Variants in RASGEF1B observed in about 807,000 individuals in gnomAD.
The protein encoded by RASGEF1B is RasGEF domain family member 1B.
Under a neutral mutation model 65.7 loss-of-function variants are expected in RASGEF1B, and 30 were observed. That is an observed-to-expected ratio of 0.46 (90% CI 0.34 to 0.62). The LOEUF is 0.62. Ranked by LOEUF, RASGEF1B falls within the 20% of genes least tolerant of loss-of-function variation. The pLI, the probability that RASGEF1B is intolerant of heterozygous loss-of-function variation, is 0.01. For synonymous variants in RASGEF1B, 175 were observed against 194.8 expected, an observed-to-expected ratio of 0.90 and a Z score of 0.85; for missense variants, 495 against 580.1, an observed-to-expected ratio of 0.85 and a Z score of 1.51.
chr4:81,445,418 A>T (rs1721981025), intron 8 of RASGEF1B, 108 bp downstream of exon 8: 1 of 784,252 alleles, frequency 1.3e-6, no homozygotes, highest in African/African-American at 1.7e-5. Context: ...ACTCTGGATT[A>T]AAAAATACAG....
At chr4:81,454,121 T>G (rs950136812) in intron 4 of RASGEF1B, 1 of 152,030 alleles carries the variant, frequency 6.6e-6, no homozygotes, top group Non-Finnish European at 1.5e-5. Context: ...AACCCAGGAG[T>G]GTTGAAAAGA....
Position 81,471,855 on chromosome 4 carries a change from C to A in RASGEF1B, c.-92G>T, listed in dbSNP as rs1472405849. On this transcript the variant is annotated 5_prime_UTR_variant, in exon 1 of 14. Coordinates refer to ENST00000264400, the MANE Select transcript of RASGEF1B (RefSeq NM_152545.3). ...CCAAAGGACAGGGAGCTAAAGCGCG[C>A]GGGAAGAAGAAAAACAAAATCTGTC... The A allele has an allele frequency of 6.5e-6, 1 of 152,686 alleles. No homozygotes were observed. Among genetic ancestry groups the A allele is most frequent in the East Asian group, 1.9e-4 (1 of 5,194 alleles). The allele number at this position is 152,686 out of a possible 1,614,324, so 9.5% of individuals were successfully genotyped here.
intron 10 of RASGEF1B, among the ~76,000 whole-genome samples, chr4:81,437,536 T>G (rs924538140): frequency 6.6e-6 from 1 of 152,228 alleles, no homozygotes; most frequent in Non-Finnish European, 1.5e-5. Flanking sequence ...GCTGTGAGAT[T>G]CATGCAGTGC....
At chr4:81,466,821 A>AGAAAGAAAGAAAGAAAGAAG (rs1722851697) in intron 1 of RASGEF1B, among the ~76,000 whole-genome samples, 1 of 150,640 alleles carries the variant, frequency 6.6e-6, no homozygotes, top group Non-Finnish European at 1.5e-5. Context: ...AAAGAAAGAA[A>AGAAAGAAAGAAAGAAAGAAG]GAAAATTTCC....
chr4:81,454,003 C>G (rs1005579238), intron 4 of RASGEF1B: 1 of 152,186 alleles, frequency 6.6e-6, no homozygotes, highest in Admixed American at 6.5e-5. Context: ...TCCACTCAAC[C>G]CTTAGTTTAA....
At chr4:81,453,859 T>C (rs1722352364) in intron 4 of RASGEF1B, 1 of 152,218 alleles carries the variant, frequency 6.6e-6, no homozygotes. Flanking sequence ...AGCAAGGATT[T>C]AGAGGACTAG....
At chr4:81,463,167 A>G (rs980248596) in intron 1 of RASGEF1B, among the ~76,000 whole-genome samples, 1 of 152,236 alleles carries the variant, frequency 6.6e-6, no homozygotes, top group African/African-American at 2.4e-5. Flanking sequence ...CATGTTCTAC[A>G]TAAATCCTTG....
intron 1 of RASGEF1B, chr4:81,471,057 G>C (rs530498831): frequency 6.6e-6 from 1 of 152,080 alleles, no homozygotes; most frequent in East Asian, 1.9e-4. Flanking sequence ...CAGGTGACCC[G>C]AGGCGACTCA....
chr4:81,444,228 T>C (rs1029707186), intron 8 of RASGEF1B, among the ~76,000 whole-genome samples: 14 of 152,210 alleles, frequency 9.2e-5, no homozygotes, highest in African/African-American at 2.9e-4. Flanking sequence ...TCCGATGCTA[T>C]GGCTTGCCTT....
chr4:81,446,658 G>C (rs931312697), intron 6 of RASGEF1B, among the ~76,000 whole-genome samples: 1 of 152,164 alleles, frequency 6.6e-6, no homozygotes, highest in East Asian at 1.9e-4. Flanking sequence ...ACACCATCAT[G>C]GTCTTTAGTA....
intron 1 of RASGEF1B, among the ~76,000 whole-genome samples, chr4:81,464,182 T>C (rs1269546709): frequency 2.0e-5 from 3 of 152,174 alleles, no homozygotes; most frequent in African/African-American, 7.2e-5. Flanking sequence ...CAACACAGCC[T>C]CAGAACCAGC....
Position 81,456,719 on chromosome 4 carries a change from C to T in RASGEF1B, c.370G>A (p.Asp124Asn). 6.2e-7 allele frequency: 1 copy of T among 1,614,092 alleles called. No individual in the cohort carries two copies. The highest frequency in any genetic ancestry group is 2.2e-5 in the East Asian group (1 of 44,876). The change falls in exon 4 of 14, where the codon GAT (aspartate) becomes AAT (asparagine). Residue 124 changes from aspartate (D) to asparagine (N), a missense_variant. By Grantham distance (23) the Asp-to-Asn change is conservative. Transcript: ENST00000264400. ...CTCATCATTCTTTCATCCCGAAAATCATAGGGAAATGTTTCCGTCCATTCC... is the reference window on the plus strand; with the variant it reads ...CTCATCATTCTTTCATCCCGAAAATTATAGGGAAATGTTTCCGTCCATTCC... ...LTEWTETFPYDFRDERMMRNL... is the reference protein window; with the variant it reads ...LTEWTETFPYNFRDERMMRNL...
chr4:81,440,981 G>A (rs897986740), intron 9 of RASGEF1B, 52 bp from the exon 10 acceptor site: 1 of 1,226,606 alleles, frequency 8.2e-7, no homozygotes, highest in Non-Finnish European at 1.2e-6. Context: ...GTAAACTTCT[G>A]TAGGAAGTTT....
intron 1 of RASGEF1B, 107 bp downstream of exon 1, chr4:81,471,663 G>T (rs1404190748): frequency 2.0e-5 from 3 of 152,586 alleles, no homozygotes; most frequent in African/African-American, 4.8e-5. Flanking sequence ...CTCCCCGCGC[G>T]GCCCAGGGAT....
intron 1 of RASGEF1B, 63 bp downstream of exon 1, chr4:81,471,707 G>A (rs1225889357): frequency 6.6e-6 from 1 of 152,582 alleles, no homozygotes; most frequent in Non-Finnish European, 1.5e-5. Context: ...GTAGGGTCCG[G>A]AGTTCCCGCT....
At chr4:81,453,234 G>T (rs995053835) in intron 4 of RASGEF1B, 1 of 152,078 alleles carries the variant, frequency 6.6e-6, no homozygotes, top group East Asian at 1.9e-4. Context: ...GGGTCTAGAG[G>T]GGAAAACAAG....
chr4:81,427,757 G>A lies in RASGEF1B; in HGVS notation c.*11C>T, dbSNP rs1231722071. The A allele has an allele frequency of 6.2e-7, 1 of 1,613,844 alleles. No individual in the cohort carries two copies. Among genetic ancestry groups the A allele is most frequent in the Admixed American group, 1.7e-5 (1 of 60,026 alleles). ...AAGCAGCAGCAGCAGCAGGCAGGCA[G>A]CTCCCATGTGTTAAACTCTGCCTAA... On this transcript the variant is annotated 3_prime_UTR_variant, in exon 14 of 14. Coordinates refer to ENST00000264400, the MANE Select transcript of RASGEF1B (RefSeq NM_152545.3).
intron 13 of RASGEF1B, among the ~76,000 whole-genome samples, chr4:81,431,971 T>C (rs1271977413): frequency 6.6e-6 from 1 of 152,234 alleles, no homozygotes; most frequent in African/African-American, 2.4e-5. Flanking sequence ...TCAGAAGAAC[T>C]CTTCAGAAAT....
chr4:81,427,864 T>C (rs1349890471), intron 13 of RASGEF1B, 72 bp from the exon 14 acceptor site: 4 of 1,391,184 alleles, frequency 2.9e-6, no homozygotes, highest in East Asian at 2.4e-5. Context: ...AAATGCCTTG[T>C]GTAATACTAA....
Sources: gnomAD v4.1 joint callset for allele counts (sites outside exome capture counted in the v4.1 genomes callset) on GRCh38, gnomAD v4.1.1 for gene constraint, MANE v1.5 for transcripts, NCBI Gene and HGNC (gene_info 2026-07-23, HGNC 2026-07-21) for gene names.